Variants in COL25A1 observed in about 807,000 individuals in gnomAD.
The protein encoded by COL25A1 is collagen type XXV alpha 1 chain, also known as collagen alpha-1(XXV) chain.
In COL25A1, 103 loss-of-function variants were observed where a neutral mutation model predicts 128.4. The observed-to-expected ratio is 0.80, with a 90% CI of 0.68 to 0.94. COL25A1 has a LOEUF of 0.94. Ranked by LOEUF, COL25A1 falls within the 40% of genes least tolerant of loss-of-function variation. COL25A1 has a pLI of 0.00. For synonymous variants in COL25A1, 279 were observed against 277.2 expected (o/e 1.01, Z -0.06); for missense variants, 745 against 840.0 (o/e 0.89, Z 1.40).
At chr4:109,269,119 T>C (rs1443652346) in intron 3 of COL25A1, among the ~76,000 whole-genome samples, 4 of 135,754 alleles carry the variant, frequency 2.9e-5, no homozygotes, top group African/African-American at 1.1e-4. Context: ...AGTGTGATGT[T>C]CCCCTTCCTG....
At chr4:108,983,811 C>A (rs1753314579) in intron 6 of COL25A1, among the ~76,000 whole-genome samples, 5 of 152,144 alleles carry the variant, frequency 3.3e-5, no homozygotes, top group Admixed American at 2.6e-4. Context: ...AGTGAAGCTG[C>A]AGACCTTCGC....
intron 3 of COL25A1, among the ~76,000 whole-genome samples, chr4:109,299,859 T>C (rs920409828): frequency 2.6e-5 from 4 of 152,130 alleles, no homozygotes; most frequent in African/African-American, 9.7e-5. Context: ...CAAAGGTCCA[T>C]GAAGGAAGAT....
At chr4:109,051,267 A>G (rs1184764630) in intron 3 of COL25A1, among the ~76,000 whole-genome samples, 1 of 152,184 alleles carries the variant, frequency 6.6e-6, no homozygotes, top group East Asian at 1.9e-4. Context: ...TGGCTCCCAC[A>G]TGGAAACACT....
intron 6 of COL25A1, among the ~76,000 whole-genome samples, chr4:108,978,762 C>G (rs1156836308): frequency 6.6e-6 from 1 of 152,124 alleles, no homozygotes; most frequent in East Asian, 1.9e-4. Context: ...AACTTTGTTG[C>G]TCCAACAAGG....
rs1466662901 is a variant in COL25A1 at position 108,984,699 on chromosome 4, AC to A, written c.439-10141del. ...CCGGAACTCCCGCTGGCCCGCAAGC[AC>A]CGCGCGCAGCCCCTGTTCCTGCCCG... On this transcript the variant is annotated intron_variant, in intron 6 of 37. Transcript: ENST00000399132. Among the ~76,000 whole-genome samples the A allele has an allele frequency of 2.0e-5, 3 of 152,226 alleles. No individual in the cohort carries two copies. In the East Asian group the frequency reaches 5.8e-4, roughly 30 times the overall value.
chr4:108,889,090 A>C (rs1741153755), intron 18 of COL25A1, 131 bp downstream of exon 18: 2 of 868,396 alleles, frequency 2.3e-6, no homozygotes, highest in Non-Finnish European at 3.7e-6. Flanking sequence ...CAAAACAACA[A>C]TAACACTCTG....
intron 5 of COL25A1, among the ~76,000 whole-genome samples, chr4:109,034,960 A>T (rs1305417192): frequency 6.6e-6 from 1 of 152,236 alleles, no homozygotes; most frequent in Non-Finnish European, 1.5e-5. Flanking sequence ...CCTGATGGAT[A>T]AAGTCAAACA....
intron 3 of COL25A1, among the ~76,000 whole-genome samples, chr4:109,138,207 A>T (rs1311795838): frequency 6.6e-6 from 1 of 151,330 alleles, no homozygotes; most frequent in African/African-American, 2.4e-5. Context: ...TCATTGTTCA[A>T]CTCCCACTTA....
At chr4:108,982,908 G>A (rs1229442463) in intron 6 of COL25A1, among the ~76,000 whole-genome samples, 1 of 152,118 alleles carries the variant, frequency 6.6e-6, no homozygotes, top group Non-Finnish European at 1.5e-5. Flanking sequence ...CTGCCATAAG[G>A]AAGCAATTAG....
At chr4:108,832,918 G>A (rs1474534493) in intron 31 of COL25A1, among the ~76,000 whole-genome samples, 1 of 151,060 alleles carries the variant, frequency 6.6e-6, no homozygotes, top group Non-Finnish European at 1.5e-5. Context: ...AGTGAGCCAA[G>A]ATCGTGCCAC....
At chr4:109,179,224 A>C (rs531540024) in intron 3 of COL25A1, among the ~76,000 whole-genome samples, 1 of 152,282 alleles carries the variant, frequency 6.6e-6, no homozygotes, top group East Asian at 1.9e-4. Flanking sequence ...GATGCCTCCA[A>C]GCTGGCAAGA....
At chr4:109,266,733 T>C (rs990915945) in intron 3 of COL25A1, among the ~76,000 whole-genome samples, 2 of 151,938 alleles carry the variant, frequency 1.3e-5, no homozygotes, top group Non-Finnish European at 2.9e-5. Flanking sequence ...AAAACGTGGA[T>C]ACAAATCTTT....
chr4:109,239,482 A>T (rs1407774651), intron 3 of COL25A1, among the ~76,000 whole-genome samples: 1 of 149,464 alleles, frequency 6.7e-6, no homozygotes, highest in Non-Finnish European at 1.5e-5. Flanking sequence ...TACAGCAGGT[A>T]GGCAATTGTA....
At chr4:109,200,961 G>GAT (rs1050495089) in intron 3 of COL25A1, among the ~76,000 whole-genome samples, 5 of 152,032 alleles carry the variant, frequency 3.3e-5, no homozygotes, top group South Asian at 4.2e-4. Context: ...TAGGTTACTT[G>GAT]ATATATATAT....
At chr4:109,001,919 C>G (rs574324100) in intron 6 of COL25A1, among the ~76,000 whole-genome samples, 2 of 152,152 alleles carry the variant, frequency 1.3e-5, no homozygotes, top group African/African-American at 4.8e-5. Context: ...GACATTTTTC[C>G]AAAGAAGATA....
At chr4:108,838,229 CTG>C (rs755567424) in intron 31 of COL25A1, 5 of 1,282,614 alleles carry the variant, frequency 3.9e-6, no homozygotes, top group Non-Finnish European at 5.5e-6. Flanking sequence ...GGTGTTTAAA[CTG>C]TGAGAGAAGA....
chr4:109,212,196 T>C (rs1394110508), intron 3 of COL25A1, among the ~76,000 whole-genome samples: 1 of 152,156 alleles, frequency 6.6e-6, no homozygotes, highest in Non-Finnish European at 1.5e-5. Context: ...TATTATCCTA[T>C]GGTTGTGTGG....
chr4:109,002,601 A>G (rs1755553781), intron 6 of COL25A1, among the ~76,000 whole-genome samples: 1 of 152,200 alleles, frequency 6.6e-6, no homozygotes, highest in Admixed American at 6.5e-5. Flanking sequence ...CAAGATGAAC[A>G]AGTTCTGAGG....
At chr4:109,196,536 C>T (rs1776062350) in intron 3 of COL25A1, among the ~76,000 whole-genome samples, 1 of 152,170 alleles carries the variant, frequency 6.6e-6, no homozygotes, top group Non-Finnish European at 1.5e-5. Flanking sequence ...AACTATATCT[C>T]TACCAGAATT....
Sources: allele counts gnomAD v4.1 joint callset (sites outside exome capture counted in the v4.1 genomes callset), GRCh38; gene constraint gnomAD v4.1.1; transcripts MANE v1.5; gene names NCBI Gene and HGNC (gene_info 2026-07-23, HGNC 2026-07-21).